Variants in GALNT16 observed in about 807,000 individuals in gnomAD.
GALNT16 encodes UDP-GalNAc:polypeptide N-acetylgalactosaminyltransferase-like protein 1.
In GALNT16, 40 loss-of-function variants were observed where a neutral mutation model predicts 76.1. The observed-to-expected ratio is 0.53, with a 90% CI of 0.41 to 0.68. The LOEUF (loss-of-function observed/expected upper bound fraction) is 0.68. Among genes scored for constraint, GALNT16 ranks in the 30% least tolerant of loss-of-function variants. GALNT16 has a pLI of 0.00. For synonymous variants in GALNT16, 276 were observed against 285.2 expected (o/e 0.97, Z 0.32); for missense variants, 621 against 731.9 (o/e 0.85, Z 1.75).
At chr14:69,315,823 T>TGTAG (rs1033229940) in intron 1 of GALNT16, among the ~76,000 whole-genome samples, 1 of 152,076 alleles carries the variant, frequency 6.6e-6, no homozygotes, top group African/African-American at 2.4e-5. Context: ...AAAAAAAATA[T>TGTAG]GTAGGTAGGT....
chr14:69,277,372 C>T (rs1043929791), intron 1 of GALNT16, among the ~76,000 whole-genome samples: 2 of 152,174 alleles, frequency 1.3e-5, no homozygotes, highest in Non-Finnish European at 2.9e-5. Context: ...TCCCTCCCTG[C>T]TCCCCGCCAC....
chr14:69,371,284 C>T, the GALNT16 span, among the ~76,000 whole-genome samples: 1 of 151,888 alleles, frequency 6.6e-6, no homozygotes, highest in African/African-American at 2.4e-5. Flanking sequence ...GATGGAGTCT[C>T]ACTCTGTCGC....
At chr14:69,326,060 C>T (rs748269999) in intron 5 of GALNT16, 33 bp downstream of exon 5, 1 of 1,527,244 alleles carries the variant, frequency 6.5e-7, no homozygotes, top group African/African-American at 1.4e-5. Context: ...CCACCAAGGG[C>T]CCATCTTGGT....
chr14:69,296,437 T>C (rs964564386), intron 1 of GALNT16, among the ~76,000 whole-genome samples: 3 of 152,214 alleles, frequency 2.0e-5, no homozygotes, highest in African/African-American at 2.4e-5. Flanking sequence ...CTCATGCCTG[T>C]AATCCCAGCA....
At position 69,339,625 on chromosome 14, in the gene GALNT16, C is replaced by G; in HGVS notation, c.1187+6C>G. 6.5e-7 allele frequency: 1 copy of G among 1,537,088 alleles called. No homozygotes were observed. The highest frequency in any genetic ancestry group is 8.9e-7 in the Non-Finnish European group (1 of 1,119,084). Reference sequence around the variant, plus strand: ...ATCGGGAAGGCCTTCGGCAGGTGGGCCCCCCCAGCTCCACTGTCTGACTCC... The same window carrying G: ...ATCGGGAAGGCCTTCGGCAGGTGGGGCCCCCCAGCTCCACTGTCTGACTCC... On this transcript the variant is annotated splice_donor_region_variant and intron_variant, in intron 11 of 14. Coordinates refer to ENST00000448469, the MANE Select transcript of GALNT16 (RefSeq NM_001168368.2).
At chr14:69,356,282 A>C (rs1271169093), downstream of GALNT16, 2 of 152,212 alleles carry the variant, frequency 1.3e-5, no homozygotes, top group Non-Finnish European at 2.9e-5. Flanking sequence ...TCTCCTGCTT[A>C]ATTCAGCCCT....
chr14:69,285,158 A>G (rs1001212684), intron 1 of GALNT16, among the ~76,000 whole-genome samples: 1 of 143,924 alleles, frequency 6.9e-6, no homozygotes, highest in African/African-American at 2.7e-5. Context: ...CTCCTGCCTC[A>G]GCCTCTCGAG....
intron 1 of GALNT16, among the ~76,000 whole-genome samples, chr14:69,263,387 C>A (rs982589283): frequency 1.3e-5 from 2 of 152,198 alleles, no homozygotes; most frequent in African/African-American, 4.8e-5. Flanking sequence ...TGAGGATTTA[C>A]TTTCTCCCTG....
chr14:69,351,122 A>T (rs2045631812), intron 14 of GALNT16: 1 of 152,242 alleles, frequency 6.6e-6, no homozygotes, highest in Non-Finnish European at 1.5e-5. Flanking sequence ...CTTCATCCCT[A>T]CAAAGAAGGC....
chr14:69,338,619 T>A (rs757114530), intron 9 of GALNT16, 32 bp from the exon 10 acceptor site: 1 of 1,605,066 alleles, frequency 6.2e-7, no homozygotes, highest in Non-Finnish European at 8.5e-7. Context: ...AAGGAACCCC[T>A]TCCTCCTCCT....
the GALNT16 span, among the ~76,000 whole-genome samples, chr14:69,386,273 T>G: frequency 6.6e-6 from 1 of 152,230 alleles, no homozygotes; most frequent in Non-Finnish European, 1.5e-5. Flanking sequence ...CTTGTATATT[T>G]CTCATCACTG....
chr14:69,288,310 G>A (rs1020525030), intron 1 of GALNT16, among the ~76,000 whole-genome samples: 5 of 152,178 alleles, frequency 3.3e-5, no homozygotes, highest in Admixed American at 2.6e-4. Flanking sequence ...CCCCTGCTGC[G>A]TCTTTAGAAA....
intron 1 of GALNT16, among the ~76,000 whole-genome samples, chr14:69,279,966 A>C (rs896062325): frequency 2.6e-5 from 4 of 152,258 alleles, no homozygotes; most frequent in Non-Finnish European, 1.5e-5. Context: ...CATGTTCCCT[A>C]TGCAACAGAA....
intron 1 of GALNT16, among the ~76,000 whole-genome samples, chr14:69,270,175 G>T (rs1024432690): frequency 6.6e-6 from 1 of 152,146 alleles, no homozygotes; most frequent in Admixed American, 6.5e-5. Context: ...GAAGCCTGTC[G>T]GGGCCTTCCC....
At chr14:69,379,470 A>T in the GALNT16 span, among the ~76,000 whole-genome samples, 121 of 152,362 alleles carry the variant, frequency 7.9e-4, no homozygotes, top group African/African-American at 2.6e-3. Context: ...AAGTAGAGGC[A>T]GGAACAGGGG....
chr14:69,269,474 TGTA>T (rs1216827355), intron 1 of GALNT16, among the ~76,000 whole-genome samples: 2 of 150,288 alleles, frequency 1.3e-5, no homozygotes, highest in African/African-American at 4.9e-5. Context: ...TGTATGTGTG[TGTA>T]GTATGTGATG....
intron 1 of GALNT16, among the ~76,000 whole-genome samples, chr14:69,312,965 C>T (rs2045049438): frequency 6.6e-6 from 1 of 152,184 alleles, no homozygotes; most frequent in South Asian, 2.1e-4. Context: ...GGCCAGACAG[C>T]CTCAATTTTG....
intron 1 of GALNT16, among the ~76,000 whole-genome samples, chr14:69,305,215 C>T (rs1013277721): frequency 6.9e-6 from 1 of 145,164 alleles, no homozygotes; most frequent in African/African-American, 2.6e-5. Context: ...ATTGCCCAGG[C>T]TGGGGTAGTG....
In GALNT16 at chr14:69,324,676, T is replaced by C. The variant is rs1291833313; in HGVS notation, c.336-16T>C. On this transcript the variant is annotated splice_polypyrimidine_tract_variant and intron_variant, in intron 2 of 14. Coordinates refer to ENST00000448469, the MANE Select transcript of GALNT16 (RefSeq NM_001168368.2). ...TGCCCTCATGGCTGGCTCTGACCTCTGTGCTCCCTTCTCAGCTGCCCATCT... is the reference window on the plus strand; with the variant it reads ...TGCCCTCATGGCTGGCTCTGACCTCCGTGCTCCCTTCTCAGCTGCCCATCT... The C allele has an allele frequency of 1.0e-5, 16 of 1,533,738 alleles. No homozygotes were observed. Among genetic ancestry groups the C allele is most frequent in the Non-Finnish European group, 1.2e-5 (13 of 1,113,736 alleles).
Sources: allele counts gnomAD v4.1 joint callset (sites outside exome capture counted in the v4.1 genomes callset), GRCh38; gene constraint gnomAD v4.1.1; transcripts MANE v1.5; gene names NCBI Gene and HGNC (gene_info 2026-07-23, HGNC 2026-07-21).